Variants in LYPLAL1 observed in about 807,000 individuals in gnomAD.
LYPLAL1 encodes the protein lysophospholipase like 1, also known as lysophospholipase-like protein 1.
LYPLAL1 carries 23 observed loss-of-function variants against 19.7 expected under a neutral mutation model. The observed-to-expected ratio is 1.17, with a 90% confidence interval of 0.84 to 1.65. LYPLAL1 has a LOEUF of 1.65. Among genes scored for constraint, LYPLAL1 ranks in the 40% most tolerant of loss-of-function variants. LYPLAL1 has a pLI of 0.00. For synonymous variants in LYPLAL1, 119 were observed against 96.3 expected, an observed-to-expected ratio of 1.24 and a Z score of -1.38; for missense variants, 355 against 279.4, an observed-to-expected ratio of 1.27 and a Z score of -1.93.
the LYPLAL1 span, among the ~76,000 whole-genome samples, chr1:219,438,894 TA>T: frequency 1.3e-5 from 2 of 152,206 alleles, no homozygotes; most frequent in African/African-American, 2.4e-5. Context: ...TGTCAATGGT[TA>T]ATTTATGTTT....
intron 3 of LYPLAL1, chr1:219,210,268 A>G: frequency 4.8e-6 from 1 of 207,378 alleles, no homozygotes; most frequent in Non-Finnish European, 9.5e-6. Context: ...ATTACGATAG[A>G]TATTTTACTT....
the LYPLAL1 span, among the ~76,000 whole-genome samples, chr1:219,230,734 TG>T: frequency 6.6e-6 from 1 of 152,230 alleles, no homozygotes; most frequent in African/African-American, 2.4e-5. Context: ...GTTATCTAAA[TG>T]CTCAGTGAAT....
chr1:219,347,934 C>A, the LYPLAL1 span, among the ~76,000 whole-genome samples: 1 of 151,786 alleles, frequency 6.6e-6, no homozygotes, highest in Non-Finnish European at 1.5e-5. Flanking sequence ...AAATATGTTC[C>A]TTGGCAGAGA....
Position 219,211,944 on chromosome 1 carries a change from A to AT in LYPLAL1, c.*219dup, listed in dbSNP as rs1659077497. ...ATTTTTCAGACACAATTCTGTAAATATTTGGAAACCTTTTAAGTATTTAAA... is the reference window on the plus strand; with the variant it reads ...ATTTTTCAGACACAATTCTGTAAATATTTTGGAAACCTTTTAAGTATTTAAA... On this transcript the variant is annotated 3_prime_UTR_variant, in exon 5 of 5. Coordinates refer to ENST00000366928, the MANE Select transcript of LYPLAL1 (RefSeq NM_138794.5). The AT allele has an allele frequency of 5.3e-6, 2 of 375,398 alleles. No individual in the cohort carries two copies. The highest frequency in any genetic ancestry group is 8.3e-5 in the Admixed American group (2 of 24,042). The allele number at this position is 375,398 out of a possible 1,614,324, so 23.3% of individuals were successfully genotyped here.
the LYPLAL1 span, among the ~76,000 whole-genome samples, chr1:219,291,990 C>G: frequency 6.6e-6 from 1 of 152,138 alleles, no homozygotes; most frequent in Non-Finnish European, 1.5e-5. Context: ...ATATCCCAGG[C>G]ACTTATGAAT....
the LYPLAL1 span, among the ~76,000 whole-genome samples, chr1:219,431,753 G>T: frequency 2.0e-5 from 3 of 152,142 alleles, no homozygotes; most frequent in Non-Finnish European, 4.4e-5. Context: ...TACATCCTCT[G>T]CTACCCTAAC....
At chr1:219,350,234 A>T in the LYPLAL1 span, among the ~76,000 whole-genome samples, 1 of 152,210 alleles carries the variant, frequency 6.6e-6, no homozygotes, top group African/African-American at 2.4e-5. Context: ...TGAGATCCAC[A>T]TGCATGCCCT....
At chr1:219,396,529 C>T in the LYPLAL1 span, among the ~76,000 whole-genome samples, 1 of 152,156 alleles carries the variant, frequency 6.6e-6, no homozygotes, top group Non-Finnish European at 1.5e-5. Flanking sequence ...TTTAACAATA[C>T]TAATTCTTCC....
At chr1:219,398,965 C>G in the LYPLAL1 span, among the ~76,000 whole-genome samples, 1 of 152,196 alleles carries the variant, frequency 6.6e-6, no homozygotes, top group African/African-American at 2.4e-5. Flanking sequence ...TCACTACACT[C>G]CAATGGATGG....
At chr1:219,369,790 T>C in the LYPLAL1 span, among the ~76,000 whole-genome samples, 1 of 152,198 alleles carries the variant, frequency 6.6e-6, no homozygotes, top group African/African-American at 2.4e-5. Flanking sequence ...GATAAATGTA[T>C]CCTCATACAC....
At chr1:219,340,107 A>G in the LYPLAL1 span, among the ~76,000 whole-genome samples, 1 of 152,106 alleles carries the variant, frequency 6.6e-6, no homozygotes, top group Admixed American at 6.6e-5. Context: ...ATAAATATTT[A>G]TCTTATAAAA....
At chr1:219,266,777 G>A in the LYPLAL1 span, among the ~76,000 whole-genome samples, 1 of 152,014 alleles carries the variant, frequency 6.6e-6, no homozygotes, top group African/African-American at 2.4e-5. Context: ...TAATCTTATG[G>A]GACCACTGTC....
At chr1:219,238,341 C>T in the LYPLAL1 span, among the ~76,000 whole-genome samples, 4 of 98,220 alleles carry the variant, frequency 4.1e-5, no homozygotes, top group East Asian at 8.3e-4. Context: ...TTAGTAGAGA[C>T]GGGGTTTCAC....
At chr1:219,350,826 G>A in the LYPLAL1 span, among the ~76,000 whole-genome samples, 4 of 152,310 alleles carry the variant, frequency 2.6e-5, 1 homozygote, top group South Asian at 4.1e-4. Flanking sequence ...ACACTGTGAT[G>A]AATATGAATA....
chr1:219,411,471 G>C, the LYPLAL1 span, among the ~76,000 whole-genome samples: 1 of 151,972 alleles, frequency 6.6e-6, no homozygotes, highest in Non-Finnish European at 1.5e-5. Context: ...GAGAACCTTT[G>C]TATCTAGCTC....
the LYPLAL1 span, among the ~76,000 whole-genome samples, chr1:219,273,915 C>G: frequency 6.6e-6 from 1 of 152,160 alleles, no homozygotes; most frequent in African/African-American, 2.4e-5. Context: ...TGTGCACCAT[C>G]ACATCCGGCT....
chr1:219,405,073 G>A, the LYPLAL1 span, among the ~76,000 whole-genome samples: 6 of 152,296 alleles, frequency 3.9e-5, no homozygotes, highest in East Asian at 3.9e-4. Flanking sequence ...TAAGCACCTA[G>A]CTGTATAAGG....
At chr1:219,300,617 C>T in the LYPLAL1 span, among the ~76,000 whole-genome samples, 172 of 143,176 alleles carry the variant, frequency 1.2e-3, no homozygotes, top group African/African-American at 4.3e-3. Context: ...TCACTGCAAG[C>T]TCTGCCTCCT....
At chr1:219,217,356 G>A (rs1037220540), downstream of LYPLAL1, among the ~76,000 whole-genome samples, 14 of 142,200 alleles carry the variant, frequency 9.8e-5, no homozygotes, top group East Asian at 6.4e-4. Flanking sequence ...TCAAGGTATC[G>A]TTAGTATTGT....
Sources: gnomAD v4.1 joint callset for allele counts (sites outside exome capture counted in the v4.1 genomes callset) on GRCh38, gnomAD v4.1.1 for gene constraint, MANE v1.5 for transcripts, NCBI Gene and HGNC (gene_info 2026-07-23, HGNC 2026-07-21) for gene names.